The following PLEKHA5 variants were observed in gnomAD, a reference collection of about 807,000 sequenced individuals.
The protein encoded by PLEKHA5 is pleckstrin homology domain containing A5.
Under a neutral mutation model 181.9 loss-of-function variants are expected in PLEKHA5, and 55 were observed. The ratio of observed to expected loss-of-function variants is 0.30; its 90% CI spans 0.24 to 0.38. PLEKHA5 has a LOEUF of 0.38. Among genes scored for constraint, PLEKHA5 ranks in the 10% least tolerant of loss-of-function variants. The pLI, the probability that PLEKHA5 is intolerant of heterozygous loss-of-function variation, is 1.00. For synonymous variants in PLEKHA5, 535 were observed against 529.4 expected (o/e 1.01, Z -0.15); for missense variants, 1,432 against 1,549.5 (o/e 0.92, Z 1.27).
At chr12:19,302,456 C>T (rs1036128088) in intron 15 of PLEKHA5, among the ~76,000 whole-genome samples, 3 of 152,204 alleles carry the variant, frequency 2.0e-5, no homozygotes, top group Non-Finnish European at 2.9e-5. Context: ...AGTGCAGTGG[C>T]ATGATTTTGG....
intron 20 of PLEKHA5, among the ~76,000 whole-genome samples, chr12:19,325,814 C>T (rs982178050): frequency 6.6e-6 from 1 of 151,712 alleles, no homozygotes; most frequent in Non-Finnish European, 1.5e-5. Flanking sequence ...TTCAAACCAG[C>T]CTGACCAACA....
At chr12:19,244,796 G>A (rs1227170540) in intron 3 of PLEKHA5, among the ~76,000 whole-genome samples, 1 of 152,094 alleles carries the variant, frequency 6.6e-6, no homozygotes, top group Non-Finnish European at 1.5e-5. Context: ...ATGAAACACT[G>A]CATAATAAAG....
intron 15 of PLEKHA5, among the ~76,000 whole-genome samples, chr12:19,300,401 A>G (rs1026795562): frequency 6.6e-6 from 1 of 152,198 alleles, no homozygotes; most frequent in Non-Finnish European, 1.5e-5. Context: ...TAGTTATACA[A>G]TTCTATTTTT....
intron 11 of PLEKHA5, among the ~76,000 whole-genome samples, chr12:19,276,087 C>T (rs146976253): frequency 5.9e-5 from 9 of 152,200 alleles, no homozygotes; most frequent in Non-Finnish European, 8.8e-5. Flanking sequence ...AGCAGTGATA[C>T]GAAGAATAAC....
At chr12:19,301,833 C>G (rs1432555891) in intron 15 of PLEKHA5, among the ~76,000 whole-genome samples, 1 of 152,186 alleles carries the variant, frequency 6.6e-6, no homozygotes, top group East Asian at 1.9e-4. Flanking sequence ...TTACTGAAGT[C>G]ACTTCACATT....
At chr12:19,255,521 A>G (rs1206803399) in intron 5 of PLEKHA5, among the ~76,000 whole-genome samples, 3 of 151,930 alleles carry the variant, frequency 2.0e-5, no homozygotes, top group African/African-American at 7.2e-5. Context: ...GTAATAGTAT[A>G]TTATGTTTAT....
chr12:19,212,565 C>T (rs1592082872), intron 3 of PLEKHA5, among the ~76,000 whole-genome samples: 1 of 151,806 alleles, frequency 6.6e-6, no homozygotes, highest in Non-Finnish European at 1.5e-5. Flanking sequence ...CCTGTAATCC[C>T]AGCTACTCCG....
At chr12:19,369,015 TTTTG>T (rs1160685921) in intron 30 of PLEKHA5, among the ~76,000 whole-genome samples, 6 of 152,186 alleles carry the variant, frequency 3.9e-5, no homozygotes, top group South Asian at 2.1e-4. Flanking sequence ...AAAGTATTTT[TTTTG>T]TTTGTTTGTT....
intron 15 of PLEKHA5, among the ~76,000 whole-genome samples, chr12:19,293,232 T>G (rs1361250285): frequency 3.3e-5 from 5 of 152,204 alleles, no homozygotes; most frequent in Admixed American, 3.3e-4. Context: ...TAGTTGTATT[T>G]AAAGAGGGAT....
At chr12:19,298,943 G>T (rs941244891) in intron 15 of PLEKHA5, among the ~76,000 whole-genome samples, 1 of 152,194 alleles carries the variant, frequency 6.6e-6, no homozygotes, top group Non-Finnish European at 1.5e-5. Context: ...GTGAGGCCGA[G>T]TCTCCTCTAC....
At chr12:19,176,666 A>T (rs1281002680) in intron 3 of PLEKHA5, 5 of 152,252 alleles carry the variant, frequency 3.3e-5, no homozygotes, top group African/African-American at 1.2e-4. Context: ...GTTTTCCTTG[A>T]TAGAAGCTTA....
intron 3 of PLEKHA5, among the ~76,000 whole-genome samples, chr12:19,156,435 TAAGA>T (rs565616536): frequency 1.9e-4 from 29 of 152,032 alleles, no homozygotes; most frequent in Non-Finnish European, 3.7e-4. Flanking sequence ...TTATTTTTAG[TAAGA>T]AAGGAGGCAA....
In PLEKHA5 at chr12:19,260,958, G is replaced by A; in HGVS notation, c.547G>A (p.Gly183Ser). The change falls in exon 7 of 32, where the codon GGC (glycine) becomes AGC (serine). Residue 183 changes from glycine to serine, a missense_variant. By Grantham distance (56) the Gly-to-Ser change is moderately conservative (BLOSUM62 0). Coordinates refer to ENST00000429027, the MANE Select transcript of PLEKHA5 (RefSeq NM_001256470.2). ...RGWLYKQDST[G>S]MKLWKKRWFV... ...TGCTGATTTAATCCAGGACAGTACT[G>A]GCATGAAATTGTGGAAGAAACGCTG... The A allele has an allele frequency of 6.3e-7, 1 of 1,596,208 alleles. No individual in the cohort carries two copies. Among genetic ancestry groups the A allele is most frequent in the Non-Finnish European group, 8.6e-7 (1 of 1,167,434 alleles).
At chr12:19,224,961 G>C (rs1314932856) in intron 3 of PLEKHA5, among the ~76,000 whole-genome samples, 1 of 152,128 alleles carries the variant, frequency 6.6e-6, no homozygotes, top group Non-Finnish European at 1.5e-5. Context: ...TTGTGACTGT[G>C]AATCCAGCCT....
intron 29 of PLEKHA5, among the ~76,000 whole-genome samples, chr12:19,364,618 G>T (rs1208302651): frequency 6.6e-6 from 1 of 151,918 alleles, no homozygotes; most frequent in African/African-American, 2.4e-5. Context: ...ATCTGACAAG[G>T]ATCTTTATAT....
rs182178230 is a variant in PLEKHA5, at chr12:19,302,645, C to T, written c.2037+10948C>T. On this transcript the variant is annotated intron_variant, in intron 15 of 31. Coordinates refer to ENST00000429027, the MANE Select transcript of PLEKHA5 (RefSeq NM_001256470.2). Reference sequence around the variant, plus strand: ...CTCCTGACCTCAAGTGGTCCTCCCACCTTGGCCTCCCAAAGTGCTGCCGTT... The same window carrying T: ...CTCCTGACCTCAAGTGGTCCTCCCATCTTGGCCTCCCAAAGTGCTGCCGTT... 3.3e-3 allele frequency among the ~76,000 whole-genome samples: 509 copies of T among 152,162 alleles called. 3 individuals are homozygous for T. Among genetic ancestry groups the T allele is most frequent in the African/African-American group, 0.012 (492 of 41,526 alleles).
Position 19,130,193 on chromosome 12 carries a change from C to G in PLEKHA5, c.169+63C>G. 3 of 1,126,202 alleles carry G rather than the reference C, an allele frequency of 2.7e-6. No individual in the cohort carries two copies. Among genetic ancestry groups the G allele is most frequent in the Non-Finnish European group, 3.7e-6 (3 of 820,376 alleles). The allele number at this position is 1,126,202 out of a possible 1,614,324, so 69.8% of individuals were successfully genotyped here. A position where few individuals can be genotyped will look rare whatever the true frequency, so the allele number is the denominator to read the frequency against. On this transcript the variant is annotated intron_variant, in intron 2 of 31. Transcript: ENST00000429027. The surrounding 1 kb of genome is among the most constrained non-coding windows in gnomAD (Gnocchi z 4.5). ...AGGAGGCGGCAGAGCCCGGGCCGCC[C>G]GGCTCCCCGCAACCTGCCCCGCGCC...
chr12:19,298,409 T>C (rs2080489863), intron 15 of PLEKHA5, among the ~76,000 whole-genome samples: 2 of 110,818 alleles, frequency 1.8e-5, no homozygotes, highest in Admixed American at 1.7e-4. Context: ...TTTTTTTAGC[T>C]TTTTTTTTTT....
At position 19,283,522 on chromosome 12, in the gene PLEKHA5, A is replaced by G. The variant is rs1370172473; in HGVS notation, c.1556A>G (p.Asn519Ser). ...LYEWQQRQFY[N>S]KQSTLPRHST... is the part of the protein sequence containing the mutation. ...GAATGGCAGCAGCGTCAGTTTTATA[A>G]CAAACAGAGCACCCTCCCTCGACAC... is the stretch of plus-strand genomic sequence containing the variant. Residue 519 changes from asparagine (N) to serine (S), a missense_variant, in exon 12 of 32, where the codon AAC becomes AGC. Transcript: ENST00000429027. The G allele has an allele frequency of 2.5e-6, 4 of 1,614,174 alleles. No homozygotes were observed. Among genetic ancestry groups the G allele is most frequent in the Non-Finnish European group, 2.5e-6 (3 of 1,179,996 alleles).
Sources: allele counts gnomAD v4.1 joint callset (sites outside exome capture counted in the v4.1 genomes callset), GRCh38; gene constraint gnomAD v4.1.1; non-coding constraint Gnocchi (gnomAD v3.1); transcripts MANE v1.5; gene names NCBI Gene and HGNC (gene_info 2026-07-23, HGNC 2026-07-21).